ST18: variants seen among roughly 807,000 people sequenced by gnomAD.
ST18 encodes ST18 C2H2C-type zinc finger transcription factor, also known as suppression of tumorigenicity 18 protein.
A neutral mutation model predicts 110.0 loss-of-function variants in ST18; 50 were observed. That is an observed-to-expected ratio of 0.45 (90% CI 0.36 to 0.58). The LOEUF (loss-of-function observed/expected upper bound fraction) is 0.58, where lower values mean the gene tolerates loss of function less well. Ranked by LOEUF, ST18 falls within the 20% of genes least tolerant of loss-of-function variation. ST18 has a pLI of 0.00. For missense variants in ST18, 1,306 were observed against 1,280.1 expected (o/e 1.02, Z -0.31); for synonymous variants, 461 against 452.4 (o/e 1.02, Z -0.24).
intron 2 of ST18, among the ~76,000 whole-genome samples, chr8:52,268,070 T>A (rs2094931837): frequency 6.6e-6 from 1 of 152,200 alleles, no homozygotes; most frequent in South Asian, 2.1e-4. Flanking sequence ...AAGAATAGAA[T>A]GCATTAGGAA....
chr8:52,161,581 G>T lies in ST18; in HGVS notation c.1401-13C>A. 6.2e-7 allele frequency: 1 copy of T among 1,613,212 alleles called. No individual in the cohort carries two copies. The highest frequency in any genetic ancestry group is 8.5e-7 in the Non-Finnish European group (1 of 1,179,552). On this transcript the variant is annotated splice_polypyrimidine_tract_variant and intron_variant, in intron 13 of 25. Coordinates refer to ENST00000689386, the MANE Select transcript of ST18 (RefSeq NM_001352837.2). ...CACCAAACTTGTCCTGGAGAGGGGG[G>T]TGAAGCAGTTCAAAAGAAATACAAT...
chr8:52,399,619 C>T (rs1391086158), intron 2 of ST18, among the ~76,000 whole-genome samples: 2 of 151,588 alleles, frequency 1.3e-5, no homozygotes, highest in African/African-American at 2.4e-5. Flanking sequence ...CATAGGTTTT[C>T]GTAGGTTATG....
intron 2 of ST18, among the ~76,000 whole-genome samples, chr8:52,306,606 G>T (rs1363973341): frequency 6.6e-6 from 1 of 152,156 alleles, no homozygotes; most frequent in East Asian, 1.9e-4. Flanking sequence ...TATAGTAGGT[G>T]AATTAATCTG....
At chr8:52,382,952 T>A (rs1166018864) in intron 2 of ST18, among the ~76,000 whole-genome samples, 1 of 152,012 alleles carries the variant, frequency 6.6e-6, no homozygotes, top group Non-Finnish European at 1.5e-5. Flanking sequence ...GCCACGAGGA[T>A]TGTCTGGTAA....
intron 15 of ST18, among the ~76,000 whole-genome samples, chr8:52,151,487 CG>C: frequency 6.6e-6 from 1 of 152,094 alleles, no homozygotes; most frequent in East Asian, 1.9e-4. Flanking sequence ...ACAGCTTATC[CG>C]GGATAATAAC....
chr8:52,218,703 G>A (rs1165281538), intron 5 of ST18, among the ~76,000 whole-genome samples: 6 of 151,670 alleles, frequency 4.0e-5, no homozygotes, highest in South Asian at 4.2e-4. Context: ...CCCGGCTGCC[G>A]CTCTTAATTT....
intron 2 of ST18, among the ~76,000 whole-genome samples, chr8:52,261,819 A>G (rs770045053): frequency 1.6e-4 from 25 of 152,168 alleles, no homozygotes; most frequent in Non-Finnish European, 3.2e-4. Flanking sequence ...CCCCAGAGAA[A>G]TGTGTCTCAT....
chr8:52,336,107 G>T (rs899490196), intron 2 of ST18, among the ~76,000 whole-genome samples: 2 of 151,978 alleles, frequency 1.3e-5, no homozygotes, highest in East Asian at 3.9e-4. Flanking sequence ...CAGTGGATGG[G>T]ATTCTTCATC....
intron 2 of ST18, among the ~76,000 whole-genome samples, chr8:52,270,129 C>T (rs1034671953): frequency 6.6e-6 from 1 of 151,940 alleles, no homozygotes; most frequent in Non-Finnish European, 1.5e-5. Flanking sequence ...TTTTATTTTC[C>T]TACAGAATTT....
intron 8 of ST18, among the ~76,000 whole-genome samples, chr8:52,202,314 C>G (rs2078264050): frequency 6.6e-6 from 1 of 151,928 alleles, no homozygotes; most frequent in Non-Finnish European, 1.5e-5. Flanking sequence ...AAATATTTCT[C>G]TAGTAACATC....
At chr8:52,149,249 C>T (rs1338169201) in intron 16 of ST18, among the ~76,000 whole-genome samples, 1 of 152,242 alleles carries the variant, frequency 6.6e-6, no homozygotes, top group African/African-American at 2.4e-5. Context: ...ACATTTCGAT[C>T]CAATGCCTTA....
chr8:52,401,859 T>C (rs1175068684), intron 2 of ST18, among the ~76,000 whole-genome samples: 1 of 152,206 alleles, frequency 6.6e-6, no homozygotes, highest in Non-Finnish European at 1.5e-5. Flanking sequence ...TCCTTGCTTT[T>C]TCATATTTCT....
chr8:52,373,230 C>T (rs981970061), intron 2 of ST18, among the ~76,000 whole-genome samples: 1 of 151,864 alleles, frequency 6.6e-6, no homozygotes, highest in African/African-American at 2.4e-5. Context: ...TCCTCATTTT[C>T]CCCCTTCAGA....
intron 8 of ST18, among the ~76,000 whole-genome samples, chr8:52,182,523 T>G (rs1260127275): frequency 6.6e-6 from 1 of 152,206 alleles, no homozygotes; most frequent in Non-Finnish European, 1.5e-5. Flanking sequence ...GACGTTATTC[T>G]CAGTGAAATA....
intron 2 of ST18, among the ~76,000 whole-genome samples, chr8:52,247,235 T>A (rs2093936579): frequency 6.6e-6 from 1 of 152,174 alleles, no homozygotes. Context: ...GTTTCTCAAA[T>A]TTCTTTAAAG....
intron 2 of ST18, among the ~76,000 whole-genome samples, chr8:52,402,391 G>T (rs1310129031): frequency 6.6e-6 from 1 of 152,076 alleles, no homozygotes; most frequent in Non-Finnish European, 1.5e-5. Flanking sequence ...GTGGATGCAG[G>T]TCTCCCACCA....
At chr8:52,371,634 C>T (rs1830298654) in intron 2 of ST18, among the ~76,000 whole-genome samples, 3 of 152,132 alleles carry the variant, frequency 2.0e-5, no homozygotes, top group African/African-American at 7.2e-5. Context: ...ACATGATAAG[C>T]TCAACGCTTT....
At chr8:52,132,242 G>A in intron 21 of ST18, 63 bp from the exon 22 acceptor site, 2 of 1,387,358 alleles carry the variant, frequency 1.4e-6, no homozygotes, top group Non-Finnish European at 2.0e-6. Context: ...ATGCTCTCCA[G>A]AGAACAAACC....
intron 2 of ST18, among the ~76,000 whole-genome samples, chr8:52,273,374 C>A (rs1328032643): frequency 6.6e-6 from 1 of 152,128 alleles, no homozygotes; most frequent in Non-Finnish European, 1.5e-5. Flanking sequence ...AGAAAATTCA[C>A]AAAAGTTGTA....
Sources: allele counts gnomAD v4.1 joint callset (sites outside exome capture counted in the v4.1 genomes callset), GRCh38; gene constraint gnomAD v4.1.1; transcripts MANE v1.5; gene names NCBI Gene and HGNC (gene_info 2026-07-23, HGNC 2026-07-21).